Variants in CAND2 observed in about 807,000 individuals in gnomAD.
CAND2 encodes cullin-associated NEDD8-dissociated protein 2.
Under a neutral mutation model 98.9 loss-of-function variants are expected in CAND2, and 62 were observed. The observed-to-expected ratio is 0.63, with a 90% CI of 0.51 to 0.77. The LOEUF (loss-of-function observed/expected upper bound fraction) is 0.77. CAND2 is among the 30% of genes least tolerant of loss of function. The pLI, the probability that CAND2 is intolerant of heterozygous loss-of-function variation, is 0.00. For synonymous variants in CAND2, 770 were observed against 731.9 expected, an observed-to-expected ratio of 1.05 and a Z score of -0.84; for missense variants, 1,501 against 1,655.2, an observed-to-expected ratio of 0.91 and a Z score of 1.62.
Position 12,817,304 on chromosome 3 carries a change from A to C in CAND2, c.2372A>C (p.Asp791Ala). The C allele has an allele frequency of 6.2e-7, 1 of 1,613,882 alleles. No individual in the cohort carries two copies. The highest frequency in any genetic ancestry group is 8.5e-7 in the Non-Finnish European group (1 of 1,180,002). ...LTAPVYEQAV[D>A]GGPGLHKQVF... ...GCGCCTGTTTATGAGCAGGCTGTGG[A>C]TGGTGGGCCTGGCCTGCACAAGCAG... The change falls in exon 10 of 15, where the codon GAT (aspartate) becomes GCT (alanine). Residue 791 changes from aspartate (D) to alanine (A), a missense_variant. Asp to Ala is a moderately radical substitution (Grantham distance 126). Around this residue, in one of 3 missense-constraint regions of CAND2, gnomAD observed 1,427 missense variants for 1,545.3 expected, o/e 0.92. Transcript: ENST00000456430.
At chr3:12,825,773 C>T (rs1043130500) in intron 12 of CAND2, 134 bp downstream of exon 12, 35 of 939,406 alleles carry the variant, frequency 3.7e-5, no homozygotes, top group Middle Eastern at 2.9e-4. Context: ...GCCCTGACTC[C>T]GAGCTGTGGG....
At chr3:12,821,159 G>A (rs552322053) in intron 11 of CAND2, among the ~76,000 whole-genome samples, 360 of 152,064 alleles carry the variant, frequency 2.4e-3, no homozygotes, top group African/African-American at 8.2e-3. Flanking sequence ...ACTTGATCCC[G>A]GGAGGTGAAG....
At chr3:12,812,822 T>C (rs949165182) in intron 5 of CAND2, among the ~76,000 whole-genome samples, 168 bp from the exon 6 acceptor site, 1 of 152,194 alleles carries the variant, frequency 6.6e-6, no homozygotes, top group African/African-American at 2.4e-5. Flanking sequence ...CCCATAGCAG[T>C]TGGGTGGCAG....
chr3:12,834,238 A>G lies in CAND2; in HGVS notation c.*256A>G, dbSNP rs1432192849. 2 of 516,230 alleles carry G rather than the reference A, an allele frequency of 3.9e-6. No homozygotes were observed. Among genetic ancestry groups the G allele is most frequent in the African/African-American group, 3.8e-5 (2 of 52,402 alleles). The allele number at this position is 516,230 out of a possible 1,614,324, so 32.0% of individuals were successfully genotyped here. ...GTCATCCAAAGAAATAGGGTGAGGA[A>G]GTTTTCCAGTGACTTCACACTGTAC... is the stretch of plus-strand genomic sequence containing the variant. On this transcript the variant is annotated 3_prime_UTR_variant, in exon 15 of 15. Transcript: ENST00000456430.
chr3:12,811,128 G>A (rs533806638), intron 5 of CAND2, among the ~76,000 whole-genome samples: 3,462 of 152,212 alleles, frequency 0.023, 121 homozygotes, highest in African/African-American at 0.077. Context: ...GGGGGGTGGG[G>A]GGGGGAACCC....
chr3:12,831,715 TA>T (rs1188347850), intron 14 of CAND2, 143 bp downstream of exon 14: 1 of 601,682 alleles, frequency 1.7e-6, no homozygotes, highest in Non-Finnish European at 3.0e-6. Flanking sequence ...CATTGCCCTA[TA>T]AAGTACCTCT....
chr3:12,812,988 AG>A lies in CAND2; in HGVS notation c.760del, dbSNP rs777888982. On this transcript the variant is annotated splice_acceptor_variant, in intron 5 of 14. Transcript: ENST00000456430. LOFTEE classifies it high-confidence loss of function. ...GGTTCAGTGATCCACCTGGCCCTGC[AG>A]GGGCTCACCTGGACCGCCTGGTGCC... 3.2e-6 allele frequency: 5 copies of A among 1,562,552 alleles called. No individual in the cohort carries two copies. The highest frequency in any genetic ancestry group is 3.5e-6 in the Non-Finnish European group (4 of 1,152,432).
At chr3:12,800,612 GA>G (rs2061758629) in intron 1 of CAND2, among the ~76,000 whole-genome samples, 2 of 152,232 alleles carry the variant, frequency 1.3e-5, no homozygotes, top group Admixed American at 1.3e-4. Context: ...GTGAACTGGG[GA>G]GAGGGCAGCC....
chr3:12,812,067 T>G (rs9870433), intron 5 of CAND2, among the ~76,000 whole-genome samples: 22 of 151,070 alleles, frequency 1.5e-4, no homozygotes, highest in African/African-American at 5.1e-4. Context: ...CACTGCCACG[T>G]GCAGCTAATT....
chr3:12,807,472 C>T lies in CAND2; in HGVS notation c.367+12C>T. 1.3e-6 allele frequency: 2 copies of T among 1,550,706 alleles called. No homozygotes were observed. Among genetic ancestry groups the T allele is most frequent in the Non-Finnish European group, 8.7e-7 (1 of 1,146,438 alleles). On this transcript the variant is annotated intron_variant, in intron 3 of 14. Coordinates refer to ENST00000456430, the MANE Select transcript of CAND2 (RefSeq NM_001162499.2). Reference sequence around the variant, plus strand: ...TCCTGCAGCCACAGGTACCCAGGTCCCCAGGACTAGGTACTGTTAGTATTT... The same window carrying T: ...TCCTGCAGCCACAGGTACCCAGGTCTCCAGGACTAGGTACTGTTAGTATTT...
chr3:12,818,159 CAT>C (rs1204644356), intron 10 of CAND2, among the ~76,000 whole-genome samples: 2 of 151,676 alleles, frequency 1.3e-5, no homozygotes, highest in Non-Finnish European at 2.9e-5. Flanking sequence ...CATGGTGGCA[CAT>C]GTCTGTAATC....
At position 12,807,320 on chromosome 3, in the gene CAND2, T is replaced by A. The variant is rs2124840388; in HGVS notation, c.227T>A (p.Val76Glu). ...NLAVKCLGPL[V>E]VKVKEYQVET... Reference sequence around the variant, plus strand: ...TCCCTGCTCAGCCTGGGTCCTCTGGTGGTCAAAGTGAAGGAGTACCAGGTG... The same window carrying A: ...TCCCTGCTCAGCCTGGGTCCTCTGGAGGTCAAAGTGAAGGAGTACCAGGTG... The change falls in exon 3 of 15, where the codon GTG becomes GAG. Residue 76 changes from valine (V) to glutamate (E), a missense_variant. Physicochemically the swap from Val to Glu is moderately radical, Grantham distance 121. Around this residue, in one of 3 missense-constraint regions of CAND2, gnomAD observed 12 missense variants for 32.6 expected, o/e 0.37. Transcript: ENST00000456430. 6.4e-7 allele frequency: 1 copy of A among 1,551,400 alleles called. No individual in the cohort carries two copies. The highest frequency in any genetic ancestry group is 1.4e-5 in the African/African-American group (1 of 73,142).
chr3:12,809,927 A>C, intron 4 of CAND2, 132 bp from the exon 5 acceptor site: 1 of 952,020 alleles, frequency 1.1e-6, no homozygotes, highest in South Asian at 2.2e-5. Flanking sequence ...GTTGCAGGGC[A>C]CCTCTTTTGC....
chr3:12,796,835 G>C lies in CAND2; in HGVS notation c.68+47G>C, dbSNP rs1365054230. The C allele has an allele frequency of 3.3e-6, 5 of 1,493,834 alleles. 1 individual carries two copies. The highest frequency in any genetic ancestry group is 2.4e-5 in the South Asian group (2 of 83,534). 92.5% of individuals were successfully genotyped at this position (1,493,834 alleles called of 1,614,324 possible). On this transcript the variant is annotated intron_variant, in intron 1 of 14. Coordinates refer to ENST00000456430, the MANE Select transcript of CAND2 (RefSeq NM_001162499.2). The stretch of plus-strand genomic sequence containing the variant: ...CTTCTCTCCTTCCCGCTCTGAAGCC[G>C]GGGGCCTTCTTCCCCTCTCGAAGCG...
chr3:12,815,143 A>G lies in CAND2; in HGVS notation c.1009A>G (p.Ser337Gly). Residue 337 changes from serine to glycine, a missense_variant and splice_region_variant, in exon 8 of 15, where the codon AGT becomes GGT. Ser to Gly is a moderately conservative substitution (Grantham distance 56). Transcript: ENST00000456430. This position sits in a 1 kb window ranked among gnomAD's most constrained non-coding sequence, Gnocchi z 5.7. ...CGTGTGTCTTGTTCCTGCCCCAGAG[A>G]GTGAAGACGAGTACAGCGATGACGA... Reference protein sequence around the residue: ...TEDSEFSEQESEDEYSDDDDM... With the variant: ...TEDSEFSEQEGEDEYSDDDDM... The G allele has an allele frequency of 6.2e-7, 1 of 1,603,596 alleles. No individual in the cohort carries two copies. The highest frequency in any genetic ancestry group is 8.5e-7 in the Non-Finnish European group (1 of 1,172,338).
chr3:12,817,165 C>T lies in CAND2; in HGVS notation c.2233C>T (p.Arg745Cys), dbSNP rs751564346. The stretch of plus-strand genomic sequence containing the variant: ...GCTCTCAGAGCTGCTGCGGCTGCTG[C>T]GTTCGCCCCTGTTGCCAGCCGGGGT... ...PVLSELLRLLRSPLLPAGVLA... is the reference protein window; with the variant it reads ...PVLSELLRLLCSPLLPAGVLA... Residue 745 changes from arginine to cysteine, a missense_variant, in exon 10 of 15, where the codon CGT becomes TGT. Transcript: ENST00000456430. 42 of 1,612,696 alleles carry T rather than the reference C, an allele frequency of 2.6e-5. No homozygotes were observed. In the East Asian group the frequency reaches 3.8e-4, roughly 15 times the overall value.
chr3:12,820,758 G>A (rs7616406), intron 11 of CAND2, among the ~76,000 whole-genome samples: 97,049 of 152,128 alleles, frequency 0.64, 31,450 homozygotes, highest in African/African-American at 0.71. Flanking sequence ...CAGAGCCCTC[G>A]CCCCTTCAGA....
intron 5 of CAND2, among the ~76,000 whole-genome samples, chr3:12,812,221 CTTTTTTTTTT>C (rs531439250): frequency 1.3e-5 from 1 of 74,514 alleles, no homozygotes; most frequent in Non-Finnish European, 2.5e-5. Flanking sequence ...AGCTGTTTAT[CTTTTTTTTTT>C]TTTTTTTTTG....
intron 2 of CAND2, 128 bp from the exon 3 acceptor site, chr3:12,807,178 G>T: frequency 1.3e-6 from 1 of 792,656 alleles, no homozygotes; most frequent in East Asian, 2.8e-5. Context: ...CCAAACAGGG[G>T]CTCCCCTGAT....
Sources: gnomAD v4.1 joint callset for allele counts (sites outside exome capture counted in the v4.1 genomes callset) on GRCh38, gnomAD v4.1.1 for gene constraint, gnomAD v4.1.1 regional missense constraint, Gnocchi (gnomAD v3.1) non-coding constraint, MANE v1.5 for transcripts, NCBI Gene and HGNC (gene_info 2026-07-23, HGNC 2026-07-21) for gene names.